Variants in STK36 observed in about 807,000 individuals in gnomAD.
STK36 encodes serine/threonine-protein kinase 36.
STK36 carries 116 observed loss-of-function variants against 142.2 expected under a neutral mutation model. The ratio of observed to expected loss-of-function variants is 0.82; its 90% confidence interval spans 0.70 to 0.95. STK36 has a LOEUF of 0.95. Among genes scored for constraint, STK36 ranks in the 40% least tolerant of loss-of-function variants. The probability of loss-of-function intolerance (pLI) is 0.00; values close to 1 mark genes in which losing one functional copy is unlikely to be tolerated. For missense variants in STK36, 1,422 were observed against 1,617.2 expected, an observed-to-expected ratio of 0.88 and a Z score of 2.07; for synonymous variants, 619 against 641.7, an observed-to-expected ratio of 0.96 and a Z score of 0.53.
chr2:218,683,757 C>A (rs1940643366), intron 10 of STK36, among the ~76,000 whole-genome samples: 1 of 152,068 alleles, frequency 6.6e-6, no homozygotes, highest in South Asian at 2.1e-4. Flanking sequence ...ACAACAGTCC[C>A]CAGAGTGTGA....
At position 218,702,081 on chromosome 2, in the gene STK36, A is replaced by G. The variant is rs1182939078; in HGVS notation, c.*72A>G. 8.9e-6 allele frequency: 14 copies of G among 1,569,932 alleles called. No homozygotes were observed. The East Asian group carries it at 1.1e-4, about 13-fold the overall frequency. On this transcript the variant is annotated 3_prime_UTR_variant, in exon 27 of 27. Transcript: ENST00000295709. The stretch of plus-strand genomic sequence containing the variant: ...TCTTATTCTACTACACAAGCCGCCA[A>G]CTCAACTGAGAGCTAAAGAGACTAG...
rs750479209 is a variant in STK36, at chr2:218,689,839, C to G, written c.1561-20C>G. ...CCATCCTTCACATTGCCCTTACTCT[C>G]TTCTCCTTTTCCTGGGCAGCAATCT... On this transcript the variant is annotated intron_variant, in intron 12 of 26. Transcript: ENST00000295709. 11 of 1,601,254 alleles carry G rather than the reference C, an allele frequency of 6.9e-6. No individual in the cohort carries two copies. The highest frequency in any genetic ancestry group is 8.5e-6 in the Non-Finnish European group (10 of 1,172,488).
Position 218,701,934 on chromosome 2 carries a change from C to T in STK36, c.3873C>T (p.His1291=), listed in dbSNP as rs1941457943. ...LLSLGNQSLP[H]SSPRPASAKH... ...CTCTGGGGAATCAGTCACTGCCACA[C>T]AGCAGTCCTAGGCCTGCCTCTGCCA... The change falls in exon 27 of 27, where the codon CAC becomes CAT. Residue 1291 remains histidine (H), a synonymous_variant. Coordinates refer to ENST00000295709, the MANE Select transcript of STK36 (RefSeq NM_015690.5). 8.1e-6 allele frequency: 13 copies of T among 1,614,176 alleles called. No individual in the cohort carries two copies. Among genetic ancestry groups the T allele is most frequent in the Non-Finnish European group, 1.1e-5 (13 of 1,180,020 alleles).
chr2:218,676,590 G>A (rs1475349724), intron 6 of STK36, among the ~76,000 whole-genome samples: 1 of 150,918 alleles, frequency 6.6e-6, no homozygotes, highest in African/African-American at 2.4e-5. Context: ...GGACCAGGAG[G>A]AAGATAGAGA....
intron 17 of STK36, 22 bp from the exon 18 acceptor site, chr2:218,693,701 A>G: frequency 6.2e-7 from 1 of 1,609,776 alleles, no homozygotes; most frequent in Non-Finnish European, 8.5e-7. Context: ...CCTCACTGCC[A>G]GACTCCTTCC....
intron 26 of STK36, among the ~76,000 whole-genome samples, chr2:218,700,448 C>A (rs899112592): frequency 6.6e-6 from 1 of 151,876 alleles, no homozygotes; most frequent in African/African-American, 2.4e-5. Flanking sequence ...GTTGCCCAGG[C>A]TGGAGTACAA....
chr2:218,693,930 G>A lies in STK36; in HGVS notation c.2283G>A (p.Val761=), dbSNP rs561420972. The change falls in exon 19 of 27, where the codon GTG becomes GTA. Residue 761 remains valine (V), a synonymous_variant. Coordinates refer to ENST00000295709, the MANE Select transcript of STK36 (RefSeq NM_015690.5). ...KVVDWEESTE[V]TLYFLSLLVF... ...TAGATTGGGAAGAGTCTACTGAAGT[G>A]ACACTCTACTTCCTCTCCCTTCTTG... is the stretch of plus-strand genomic sequence containing the variant. The A allele has an allele frequency of 4.3e-6, 7 of 1,614,244 alleles. No homozygotes were observed. The African/African-American group carries it at 8.0e-5, about 18-fold the overall frequency.
At chr2:218,674,937 C>T (rs1940166787) in intron 4 of STK36, among the ~76,000 whole-genome samples, 1 of 152,132 alleles carries the variant, frequency 6.6e-6, no homozygotes. Flanking sequence ...GTTTGTCTGA[C>T]TACTTTTCTT....
Position 218,676,174 on chromosome 2 carries a change from G to GT in STK36, c.580_581insT (p.Ala194ValfsTer35). On this transcript the variant is annotated frameshift_variant, in exon 6 of 27. Transcript: ENST00000295709. LOFTEE classifies it high-confidence loss of function. Reference sequence around the variant, plus strand: ...TGTTGGCTGCATACTATATGAACTGGCAGTAGGCACCCCTCCCTTCTATGC... The same window carrying GT: ...TGTTGGCTGCATACTATATGAACTGGTCAGTAGGCACCCCTCCCTTCTATGC... The GT allele has an allele frequency of 6.2e-7, 1 of 1,614,042 alleles. No individual in the cohort carries two copies.
rs1941329350 is a variant in STK36 at position 218,698,727 on chromosome 2, C to T, written c.3183C>T (p.Thr1061=). The change falls in exon 26 of 27, where the codon ACC becomes ACT. Residue 1061 remains threonine (T), a synonymous_variant. Transcript: ENST00000295709. ...ACACAGTGTCTGCCTCCCCTAGAAC[C>T]ATCGTCTCGTTTCTCTCAGTTGCCC... ...FVNTVSASPR[T]IVSFLSVALL... 3 of 1,614,202 alleles carry T rather than the reference C, an allele frequency of 1.9e-6. No homozygotes were observed. The highest frequency in any genetic ancestry group is 2.5e-6 in the Non-Finnish European group (3 of 1,180,042).
At chr2:218,673,128 A>T (rs1940064740) in intron 2 of STK36, 2 of 496,392 alleles carry the variant, frequency 4.0e-6, no homozygotes. Context: ...CAAATTACTT[A>T]ACTTCCCTAT....
At chr2:218,678,218 A>C (rs910571780) in intron 6 of STK36, among the ~76,000 whole-genome samples, 2 of 152,188 alleles carry the variant, frequency 1.3e-5, no homozygotes, top group Non-Finnish European at 2.9e-5. Flanking sequence ...CTAAAGAGTT[A>C]GGATTACAAG....
intron 18 of STK36, 24 bp downstream of exon 18, chr2:218,693,845 C>T: frequency 5.6e-6 from 9 of 1,614,020 alleles, no homozygotes; most frequent in Non-Finnish European, 7.6e-6. Context: ...CCCTGGCAGC[C>T]CCACTGTCTC....
intron 7 of STK36, 122 bp downstream of exon 7, chr2:218,679,383 C>G (rs1398417265): frequency 7.9e-7 from 1 of 1,261,066 alleles, no homozygotes; most frequent in Non-Finnish European, 1.1e-6. Flanking sequence ...CTTGAACTTT[C>G]TTCCTAGCCC....
chr2:218,689,766 G>A, intron 12 of STK36, 93 bp from the exon 13 acceptor site: 2 of 1,129,060 alleles, frequency 1.8e-6, no homozygotes, highest in Non-Finnish European at 2.6e-6. Flanking sequence ...TGATCAACTT[G>A]ACTGGGTCTC....
At chr2:218,696,102 T>TC (rs1263138567) in intron 21 of STK36, among the ~76,000 whole-genome samples, 1 of 151,896 alleles carries the variant, frequency 6.6e-6, no homozygotes, top group Non-Finnish European at 1.5e-5. Flanking sequence ...GACTTCCTGA[T>TC]CCCCCCGCCT....
chr2:218,696,721 C>G, intron 22 of STK36, 120 bp downstream of exon 22: 1 of 1,126,034 alleles, frequency 8.9e-7, no homozygotes, highest in Non-Finnish European at 1.3e-6. Flanking sequence ...GCTACTGTGC[C>G]TGTGATAGCC....
chr2:218,687,309 G>A (rs1181457846), intron 11 of STK36, among the ~76,000 whole-genome samples: 2 of 152,136 alleles, frequency 1.3e-5, no homozygotes, highest in Non-Finnish European at 2.9e-5. Flanking sequence ...TACTTTTGAT[G>A]TTGTGTATAA....
At position 218,697,682 on chromosome 2, in the gene STK36, T is replaced by C; in HGVS notation, c.2909+72T>C. ...AGAAAGAAGAAGGCAGGAAAGAAGT[T>C]ACTGACAGATTGAGCTATAAAGCAA... On this transcript the variant is annotated intron_variant, in intron 24 of 26. Coordinates refer to ENST00000295709, the MANE Select transcript of STK36 (RefSeq NM_015690.5). 4 of 1,602,034 alleles carry C rather than the reference T, an allele frequency of 2.5e-6. No individual in the cohort carries two copies. In the Admixed American group the frequency reaches 6.8e-5, roughly 27 times the overall value.
Sources: gnomAD v4.1 joint callset for allele counts (sites outside exome capture counted in the v4.1 genomes callset) on GRCh38, gnomAD v4.1.1 for gene constraint, MANE v1.5 for transcripts, NCBI Gene and HGNC (gene_info 2026-07-23, HGNC 2026-07-21) for gene names.